The following FBN3 variants were observed in gnomAD, a reference collection of about 807,000 sequenced individuals.
FBN3 encodes the protein fibrillin 3.
In FBN3, 234 loss-of-function variants were observed where a neutral mutation model predicts 330.1. The ratio of observed to expected loss-of-function variants is 0.71; its 90% CI spans 0.64 to 0.79. The LOEUF is 0.79. FBN3 is among the 30% of genes least tolerant of loss of function. FBN3 has a pLI of 0.00. For synonymous variants in FBN3, 1,458 were observed against 1,517.3 expected, an observed-to-expected ratio of 0.96 and a Z score of 0.91; for missense variants, 3,606 against 3,886.9, an observed-to-expected ratio of 0.93 and a Z score of 1.92.
chr19:8,083,070 G>C (rs2081844467), intron 57 of FBN3, among the ~76,000 whole-genome samples, 177 bp downstream of exon 57: 1 of 152,146 alleles, frequency 6.6e-6, no homozygotes, highest in African/African-American at 2.4e-5. Flanking sequence ...CAAAATACTG[G>C]GATTACAGTA....
chr19:8,141,049 T>G (rs12974669), intron 8 of FBN3, among the ~76,000 whole-genome samples: 84,971 of 150,110 alleles, frequency 0.57, 24,536 homozygotes, highest in South Asian at 0.71. Context: ...AAAAAAATTA[T>G]CCGGGCGTGG....
In FBN3 at chr19:8,138,139, A is replaced by G. The variant is rs753316854; in HGVS notation, c.1201+2T>C. ...ATGTTCCTCCCAAGCCCCAGGCCTCACCAATATTAGAGTTGCCAGGGCCCA... is the reference window on the plus strand; with the variant it reads ...ATGTTCCTCCCAAGCCCCAGGCCTCGCCAATATTAGAGTTGCCAGGGCCCA... On this transcript the variant is annotated splice_donor_variant, in intron 10 of 63. Transcript: ENST00000600128. LOFTEE classifies it high-confidence loss of function. The G allele has an allele frequency of 2.5e-6, 4 of 1,607,132 alleles. No individual in the cohort carries two copies. Among genetic ancestry groups the G allele is most frequent in the Non-Finnish European group, 8.5e-7 (1 of 1,177,476 alleles).
chr19:8,096,088 A>T lies in FBN3; in HGVS notation c.5540-8T>A, dbSNP rs1357130253. 3 of 1,608,072 alleles carry T rather than the reference A, an allele frequency of 1.9e-6. No individual in the cohort carries two copies. Among genetic ancestry groups the T allele is most frequent in the Non-Finnish European group, 1.7e-6 (2 of 1,174,658 alleles). The stretch of plus-strand genomic sequence containing the variant: ...GGTCACACTCGTCAATGTCTGCAGA[A>T]GCAAAGCCGAGAGCCCAACCCAGCT... On this transcript the variant is annotated splice_polypyrimidine_tract_variant and splice_region_variant and intron_variant, in intron 44 of 63. Coordinates refer to ENST00000600128, the MANE Select transcript of FBN3 (RefSeq NM_032447.5). The surrounding 1 kb of genome is among the most constrained non-coding windows in gnomAD (Gnocchi z 4.6).
At chr19:8,112,131 C>A in intron 30 of FBN3, 32 bp from the exon 31 acceptor site, 2 of 1,604,732 alleles carry the variant, frequency 1.2e-6, no homozygotes, top group Non-Finnish European at 1.7e-6. Context: ...CGCCAAGACC[C>A]AGTCACAGAA....
At chr19:8,100,010 CAAA>C in intron 41 of FBN3, among the ~76,000 whole-genome samples, 1 of 105,852 alleles carries the variant, frequency 9.4e-6, no homozygotes. Flanking sequence ...AACTCCATCT[CAAA>C]AAAAAAAAAA....
In FBN3 at chr19:8,086,319, T is replaced by A. The variant is rs1389225826; in HGVS notation, c.6761A>T (p.Asn2254Ile). ...GAGGTCAGGCTGAGCGTGGCATTCA[T>A]TGTCATCTGAGATGGGAGGGGTGAG... The part of the protein sequence containing the change: ...PGSGEGCTDD[N>I]ECHAQPDLCV... Residue 2254 changes from asparagine (N) to isoleucine (I), a missense_variant, in exon 55 of 64, where the codon AAT becomes ATT. Transcript: ENST00000600128. The A allele has an allele frequency of 6.2e-7, 1 of 1,603,732 alleles. No homozygotes were observed. The highest frequency in any genetic ancestry group is 8.5e-7 in the Non-Finnish European group (1 of 1,173,620).
In FBN3 at chr19:8,131,098, C is replaced by T. The variant is rs560266430; in HGVS notation, c.2044+137G>A. 1 of 712,048 alleles carries T rather than the reference C, an allele frequency of 1.4e-6. No homozygotes were observed. The highest frequency in any genetic ancestry group is 1.8e-5 in the African/African-American group (1 of 56,598). 44.1% of individuals were successfully genotyped at this position (712,048 alleles called of 1,614,324 possible). ...TGCAGGAGTGTGAGAGAATCAGCTT[C>T]TGTTGTTGAAGCCGTCTGGTCTGGG... On this transcript the variant is annotated intron_variant, in intron 16 of 63. Transcript: ENST00000600128. The surrounding 1 kb of genome is among the most constrained non-coding windows in gnomAD (Gnocchi z 4.5).
chr19:8,146,271 G>A, intron 3 of FBN3, 46 bp from the exon 4 acceptor site: 1 of 1,500,286 alleles, frequency 6.7e-7, no homozygotes, highest in African/African-American at 1.4e-5. Flanking sequence ...ACCGAGCCTG[G>A]GCCGTCCCTG....
rs1599329380 is a variant in FBN3, at chr19:8,096,583, G to C, written c.5414-14C>G. ...ACTCATTCCGTCCTGGGGGTGCAGAGAGCATGGTGTTCCCAGGGCTCCTAC... is the reference window on the plus strand; with the variant it reads ...ACTCATTCCGTCCTGGGGGTGCAGACAGCATGGTGTTCCCAGGGCTCCTAC... On this transcript the variant is annotated splice_polypyrimidine_tract_variant and intron_variant, in intron 43 of 63. Coordinates refer to ENST00000600128, the MANE Select transcript of FBN3 (RefSeq NM_032447.5). The surrounding 1 kb of genome is among the most constrained non-coding windows in gnomAD (Gnocchi z 4.6). 10 of 1,603,154 alleles carry C rather than the reference G, an allele frequency of 6.2e-6. No individual in the cohort carries two copies. The highest frequency in any genetic ancestry group is 7.7e-6 in the Non-Finnish European group (9 of 1,175,086).
intron 63 of FBN3, among the ~76,000 whole-genome samples, chr19:8,067,260 G>C (rs950238261): frequency 4.0e-5 from 6 of 151,882 alleles, no homozygotes; most frequent in African/African-American, 1.5e-4. Context: ...CAAGTAGCTG[G>C]AATTACAGGT....
intron 13 of FBN3, among the ~76,000 whole-genome samples, chr19:8,135,099 CT>C (rs2083248313): frequency 6.6e-6 from 1 of 151,482 alleles, no homozygotes; most frequent in Admixed American, 6.6e-5. Context: ...CTGCCTCAGC[CT>C]CCTGAGTAGC....
Position 8,148,952 on chromosome 19 carries a change from G to GGA in FBN3, c.-18+495_-18+496dup, listed in dbSNP as rs1253303604. On this transcript the variant is annotated intron_variant, in intron 1 of 63. Coordinates refer to ENST00000600128, the MANE Select transcript of FBN3 (RefSeq NM_032447.5). ...AGCCCCCTGCCTCGGGTCGGGTGGG[G>GGA]GAATTAGGTGGGGGGAGTCTCTGGC... is the stretch of plus-strand genomic sequence containing the variant. The GGA allele has an allele frequency of 1.3e-5, 2 of 153,062 alleles. 1 individual carries two copies. Among genetic ancestry groups the GGA allele is most frequent in the Non-Finnish European group, 2.9e-5 (2 of 68,826 alleles). The allele number at this position is 153,062 out of a possible 1,614,324, so 9.5% of individuals were successfully genotyped here.
intron 31 of FBN3, 33 bp downstream of exon 31, chr19:8,111,944 C>A: frequency 9.6e-7 from 1 of 1,044,804 alleles, no homozygotes; most frequent in Non-Finnish European, 1.4e-6. Flanking sequence ...ACCTCTACTG[C>A]TTTGCCCCCA....
Position 8,109,183 on chromosome 19 carries a change from C to T in FBN3, c.4618+44G>A, listed in dbSNP as rs542885846. On this transcript the variant is annotated intron_variant, in intron 36 of 63. Transcript: ENST00000600128. This position sits in a 1 kb window ranked among gnomAD's most constrained non-coding sequence, Gnocchi z 5.2. ...GGTGACCCCCTAAGCTCCCGGGCCT[C>T]GGTGGCTTAGGTCACGGTGTTCAAC... The T allele has an allele frequency of 1.0e-5, 16 of 1,588,604 alleles. No homozygotes were observed. The highest frequency in any genetic ancestry group is 1.8e-4 in the Middle Eastern group (1 of 5,694).
intron 40 of FBN3, 52 bp from the exon 41 acceptor site, chr19:8,101,024 C>T: frequency 2.0e-6 from 3 of 1,494,446 alleles, no homozygotes; most frequent in Non-Finnish European, 2.8e-6. Context: ...TGACCCCAGC[C>T]CGCTCCCAAT....
At position 8,111,160 on chromosome 19, in the gene FBN3, C is replaced by T. The variant is rs117092804; in HGVS notation, c.4108G>A (p.Val1370Met). The T allele has an allele frequency of 5.8e-4, 925 of 1,608,184 alleles. 15 individuals carry two copies. The East Asian group carries it at 0.017, about 29-fold the overall frequency. ...CACTGCCCGTTGTCACAGAGGTCCA[C>T]GTTCTCGGCACATTCATCCCTGTCT... Reference protein sequence around the residue: ...CEDRDECAENVDLCDNGQCLN... With the variant: ...CEDRDECAENMDLCDNGQCLN... The change falls in exon 33 of 64, where the codon GTG becomes ATG. Residue 1370 changes from valine (V) to methionine (M), a missense_variant. By Grantham distance (21) the Val-to-Met change is conservative. Coordinates refer to ENST00000600128, the MANE Select transcript of FBN3 (RefSeq NM_032447.5).
At position 8,085,471 on chromosome 19, in the gene FBN3, C is replaced by G. The variant is rs781191633; in HGVS notation, c.6979G>C (p.Gly2327Arg). The G allele has an allele frequency of 1.9e-6, 3 of 1,586,706 alleles. No homozygotes were observed. The highest frequency in any genetic ancestry group is 1.1e-5 in the South Asian group (1 of 87,216). ...CGGGGCCCCCAGCCCCGGCCACCCCCACAGCAGCACTCGGCCCTGGTGACA... is the reference window on the plus strand; with the variant it reads ...CGGGGCCCCCAGCCCCGGCCACCCCGACAGCAGCACTCGGCCCTGGTGACA... The part of the protein sequence containing the change: ...EAVTRAECCC[G>R]GGRGWGPRCE... Residue 2327 changes from glycine (G) to arginine (R), a missense_variant, in exon 56 of 64, where the codon GGG (glycine) becomes CGG (arginine). Physicochemically the swap from Gly to Arg is moderately radical, Grantham distance 125. Coordinates refer to ENST00000600128, the MANE Select transcript of FBN3 (RefSeq NM_032447.5).
rs554225246 is a variant in FBN3 at position 8,121,434 on chromosome 19, A to G, written c.3083-48T>C. 5 of 1,525,762 alleles carry G rather than the reference A, an allele frequency of 3.3e-6. No homozygotes were observed. The African/African-American group carries it at 4.1e-5, about 12-fold the overall frequency. 94.5% of individuals were successfully genotyped at this position (1,525,762 alleles called of 1,614,324 possible). A position where few individuals can be genotyped will look rare whatever the true frequency, so the allele number is the denominator to read the frequency against. ...CCGGAGGCGCCATGTGGGCCGCATC[A>G]TGGGGCACGAGGCAGGGGGGTCCCT... On this transcript the variant is annotated intron_variant, in intron 24 of 63. Coordinates refer to ENST00000600128, the MANE Select transcript of FBN3 (RefSeq NM_032447.5). This position sits in a 1 kb window ranked among gnomAD's most constrained non-coding sequence, Gnocchi z 4.5.
chr19:8,075,543 T>A, intron 59 of FBN3, 132 bp from the exon 60 acceptor site: 2 of 837,368 alleles, frequency 2.4e-6, no homozygotes, highest in Non-Finnish European at 3.6e-6. Flanking sequence ...TCCCACTCTG[T>A]GAAATGAGAT....
Sources: allele counts gnomAD v4.1 joint callset (sites outside exome capture counted in the v4.1 genomes callset), GRCh38; gene constraint gnomAD v4.1.1; non-coding constraint Gnocchi (gnomAD v3.1); transcripts MANE v1.5; gene names NCBI Gene and HGNC (gene_info 2026-07-23, HGNC 2026-07-21).